SLTM: variants seen among roughly 807,000 people sequenced by gnomAD.
The protein encoded by SLTM is SAFB-like transcription modulator.
Under a neutral mutation model 134.6 loss-of-function variants are expected in SLTM, and 43 were observed. The observed-to-expected ratio is 0.32, with a 90% CI of 0.25 to 0.41. The LOEUF (loss-of-function observed/expected upper bound fraction) is 0.41. Ranked by LOEUF, SLTM falls within the 10% of genes least tolerant of loss-of-function variation. The pLI is 1.00. For missense variants in SLTM, 1,055 were observed against 1,288.8 expected, an observed-to-expected ratio of 0.82 and a Z score of 2.78; for synonymous variants, 424 against 432.3, an observed-to-expected ratio of 0.98 and a Z score of 0.24.
chr15:58,912,266 A>G (rs2036329702), intron 5 of SLTM, among the ~76,000 whole-genome samples: 1 of 151,730 alleles, frequency 6.6e-6, no homozygotes, highest in South Asian at 2.1e-4. Flanking sequence ...CGCCTAGCTA[A>G]TTTTTTGTAT....
chr15:58,879,861 A>T lies in SLTM; in HGVS notation c.*138T>A, dbSNP rs1191612784. The T allele has an allele frequency of 9.6e-7, 1 of 1,045,138 alleles. No individual in the cohort carries two copies. The highest frequency in any genetic ancestry group is 1.6e-5 in the African/African-American group (1 of 62,404). 64.7% of individuals were successfully genotyped at this position (1,045,138 alleles called of 1,614,324 possible). On this transcript the variant is annotated 3_prime_UTR_variant, in exon 21 of 21. Transcript: ENST00000380516. ...AAACATCTTCTCCAAAATTGAGAAA[A>T]GCAATCATGTTAAATTTTTAAAAAG...
At chr15:58,912,796 C>G in intron 4 of SLTM, 186 bp from the exon 5 acceptor site, 1 of 525,054 alleles carries the variant, frequency 1.9e-6, no homozygotes, top group East Asian at 3.3e-5. Flanking sequence ...AGCCATGTCG[C>G]TAGAGAATTA....
At chr15:58,903,495 A>C (rs1435728424) in intron 5 of SLTM, among the ~76,000 whole-genome samples, 3 of 139,248 alleles carry the variant, frequency 2.2e-5, no homozygotes, top group Admixed American at 1.5e-4. Flanking sequence ...AACAAAACAC[A>C]GATTTTGATT....
At chr15:58,912,872 A>G (rs1422848999) in intron 4 of SLTM, 3 of 389,170 alleles carry the variant, frequency 7.7e-6, no homozygotes, top group African/African-American at 6.1e-5. Context: ...AAGCATGAAT[A>G]CTAACAGCAC....
Position 58,892,900 on chromosome 15 carries a change from C to T in SLTM, c.1895G>A (p.Arg632Gln). Residue 632 changes from arginine to glutamine, a missense_variant, in exon 14 of 21, where the codon CGA becomes CAA. Physicochemically the swap from Arg to Gln is conservative, Grantham distance 43. Around this residue, in one of 3 missense-constraint regions of SLTM, gnomAD observed 776 missense variants for 962.2 expected, o/e 0.81. Coordinates refer to ENST00000380516, the MANE Select transcript of SLTM (RefSeq NM_024755.4). ...FERLRRAMEL[R>Q]RRREIAERER... ...ATAAAACAGACTCTCTTCCTACCTT[C>T]GAAGTTCCATTGCTCGTCGCAGCCT... The T allele has an allele frequency of 3.7e-6, 6 of 1,612,892 alleles. No homozygotes were observed. In the Middle Eastern group the frequency reaches 5.0e-4, roughly 133 times the overall value.
At chr15:58,903,278 A>C (rs1477572382) in intron 5 of SLTM, among the ~76,000 whole-genome samples, 1 of 152,000 alleles carries the variant, frequency 6.6e-6, no homozygotes, top group African/African-American at 2.4e-5. Flanking sequence ...CAGGTGATCC[A>C]CCCACCTCGG....
At chr15:58,897,263 G>C in intron 8 of SLTM, 30 bp from the exon 9 acceptor site, 1 of 1,258,030 alleles carries the variant, frequency 7.9e-7, no homozygotes, top group African/African-American at 1.5e-5. Context: ...AGATGTTTAA[G>C]TATCTCAATC....
At chr15:58,893,782 G>C (rs749875005) in intron 12 of SLTM, 39 bp downstream of exon 12, 1 of 1,561,072 alleles carries the variant, frequency 6.4e-7, no homozygotes, top group Admixed American at 2.1e-5. Context: ...TTAAGTAGTA[G>C]AATGCATTAG....
At chr15:58,930,011 A>T (rs1157639856) in intron 2 of SLTM, among the ~76,000 whole-genome samples, 1 of 152,148 alleles carries the variant, frequency 6.6e-6, no homozygotes, top group African/African-American at 2.4e-5. Flanking sequence ...ATTCTTTGTA[A>T]TTCACAAGAT....
chr15:58,928,443 A>T (rs2037637080), intron 2 of SLTM, among the ~76,000 whole-genome samples: 1 of 152,210 alleles, frequency 6.6e-6, no homozygotes, highest in Non-Finnish European at 1.5e-5. Context: ...AGCCATTCTA[A>T]GATACAAACA....
At chr15:58,916,786 T>G (rs532991345) in intron 3 of SLTM, 149 bp downstream of exon 3, 40 of 570,308 alleles carry the variant, frequency 7.0e-5, no homozygotes, top group African/African-American at 5.7e-4. Context: ...TTAATGAGAT[T>G]GACAATATTA....
intron 14 of SLTM, among the ~76,000 whole-genome samples, chr15:58,890,717 T>C (rs1371355455): frequency 6.6e-6 from 1 of 152,238 alleles, no homozygotes; most frequent in Non-Finnish European, 1.5e-5. Flanking sequence ...AGATGATTCC[T>C]GTTTAAATAA....
rs369787136 is a variant in SLTM, at chr15:58,880,108, C to T, written c.2997-1G>A. 6 of 1,610,724 alleles carry T rather than the reference C, an allele frequency of 3.7e-6. No homozygotes were observed. The highest frequency in any genetic ancestry group is 4.2e-6 in the Non-Finnish European group (5 of 1,178,842). On this transcript the variant is annotated splice_acceptor_variant, in intron 20 of 20. Coordinates refer to ENST00000380516, the MANE Select transcript of SLTM (RefSeq NM_024755.4). LOFTEE classifies it high-confidence loss of function. ...AATTCTATTAATTGGGGATGCGTTACTGAAAAAGGTTTAAAAGAAAAAAAC... is the reference window on the plus strand; with the variant it reads ...AATTCTATTAATTGGGGATGCGTTATTGAAAAAGGTTTAAAAGAAAAAAAC...
intron 14 of SLTM, 71 bp from the exon 15 acceptor site, chr15:58,890,532 T>C: frequency 6.8e-7 from 1 of 1,460,276 alleles, no homozygotes; most frequent in Non-Finnish European, 9.2e-7. Context: ...GCTTTGAATT[T>C]GAATTTTTCC....
chr15:58,894,208 C>T lies in SLTM; in HGVS notation c.1378-15G>A. On this transcript the variant is annotated splice_polypyrimidine_tract_variant and intron_variant, in intron 10 of 20. Coordinates refer to ENST00000380516, the MANE Select transcript of SLTM (RefSeq NM_024755.4). ...TCACCTTTTACCTGAAAGGTTCGAA[C>T]CAGAAAAACAATTTGTACATATGGT... 5 of 1,573,662 alleles carry T rather than the reference C, an allele frequency of 3.2e-6. No homozygotes were observed. The highest frequency in any genetic ancestry group is 4.3e-6 in the Non-Finnish European group (5 of 1,151,234).
intron 9 of SLTM, 72 bp from the exon 10 acceptor site, chr15:58,894,654 T>G: frequency 1.4e-6 from 2 of 1,394,476 alleles, no homozygotes; most frequent in Non-Finnish European, 2.0e-6. Flanking sequence ...TACATGAAAC[T>G]TCACAACTGA....
At chr15:58,925,809 G>A (rs560535761) in intron 2 of SLTM, among the ~76,000 whole-genome samples, 1 of 152,172 alleles carries the variant, frequency 6.6e-6, no homozygotes, top group Non-Finnish European at 1.5e-5. Flanking sequence ...ACACAAGACT[G>A]TCAAAGGTAA....
chr15:58,911,739 T>C (rs1418386187), intron 5 of SLTM, among the ~76,000 whole-genome samples: 6 of 152,332 alleles, frequency 3.9e-5, no homozygotes, highest in African/African-American at 1.4e-4. Context: ...ATGTACACTA[T>C]GTGTATCACA....
chr15:58,927,212 G>C (rs1395616256), intron 2 of SLTM, among the ~76,000 whole-genome samples: 1 of 152,026 alleles, frequency 6.6e-6, no homozygotes, highest in African/African-American at 2.4e-5. Context: ...AATTAAAATA[G>C]GCACCAAAAG....
Sources: allele counts gnomAD v4.1 joint callset (sites outside exome capture counted in the v4.1 genomes callset), GRCh38; gene constraint gnomAD v4.1.1; regional missense constraint gnomAD v4.1.1; transcripts MANE v1.5; gene names NCBI Gene and HGNC (gene_info 2026-07-23, HGNC 2026-07-21).